CNNM4: variants seen among roughly 807,000 people sequenced by gnomAD.
CNNM4 encodes the protein cyclin and CBS domain divalent metal cation transport mediator 4, also known as metal transporter CNNM4.
Under a neutral mutation model 53.7 loss-of-function variants are expected in CNNM4, and 32 were observed. The ratio of observed to expected loss-of-function variants is 0.60; its 90% CI spans 0.45 to 0.80. The LOEUF (loss-of-function observed/expected upper bound fraction) is 0.80, where lower values mean the gene tolerates loss of function less well. Among genes scored for constraint, CNNM4 ranks in the 30% least tolerant of loss-of-function variants. CNNM4 has a pLI of 0.00. For synonymous variants in CNNM4, 410 were observed against 440.0 expected, an observed-to-expected ratio of 0.93 and a Z score of 0.85; for missense variants, 784 against 1,022.0, an observed-to-expected ratio of 0.77 and a Z score of 3.17.
In CNNM4 at chr2:96,761,478, G is replaced by C. The variant is rs1384320008; in HGVS notation, c.479G>C (p.Trp160Ser). The C allele has an allele frequency of 6.2e-7, 1 of 1,614,042 alleles. No individual in the cohort carries two copies. Among genetic ancestry groups the C allele is most frequent in the African/African-American group, 1.3e-5 (1 of 74,942 alleles). ...LCTRAQPDGP[W>S]LKWTDKDSLL... ...ACCCGGGCCCAGCCCGACGGGCCCT[G>C]GCTGAAGTGGACGGACAAGGACTCA... The change falls in exon 1 of 7, where the codon TGG becomes TCG. Residue 160 changes from tryptophan (W) to serine (S), a missense_variant. Trp to Ser is a radical substitution (Grantham distance 177). Transcript: ENST00000377075. The surrounding 1 kb of genome is among the most constrained non-coding windows in gnomAD (Gnocchi z 6.0).
intron 5 of CNNM4, among the ~76,000 whole-genome samples, chr2:96,803,856 G>A (rs12990081): frequency 6.6e-6 from 1 of 152,124 alleles, no homozygotes; most frequent in Non-Finnish European, 1.5e-5. Context: ...ATCTCTCAGA[G>A]ACAAAATGGA....
At chr2:96,809,218 C>G (rs2079235113) in intron 6 of CNNM4, 102 bp from the exon 7 acceptor site, 2 of 1,562,732 alleles carry the variant, frequency 1.3e-6, no homozygotes, top group East Asian at 4.7e-5. Context: ...GTCATGTTCT[C>G]TCTCAACTCA....
rs964186124 is a variant in CNNM4 at position 96,801,905 on chromosome 2, C to G, written c.1948+2257C>G. On this transcript the variant is annotated intron_variant, in intron 5 of 6. Coordinates refer to ENST00000377075, the MANE Select transcript of CNNM4 (RefSeq NM_020184.4). The surrounding 1 kb of genome is among the most constrained non-coding windows in gnomAD (Gnocchi z 5.6). Reference sequence around the variant, plus strand: ...GTAGACACACCAGGATACACATACACACATAGATACACCACTCATAGACAC... The same window carrying G: ...GTAGACACACCAGGATACACATACAGACATAGATACACCACTCATAGACAC... Among the ~76,000 whole-genome samples the G allele has an allele frequency of 6.6e-6, 1 of 151,724 alleles. No homozygotes were observed. Among genetic ancestry groups the G allele is most frequent in the Admixed American group, 6.6e-5 (1 of 15,210 alleles).
At position 96,805,430 on chromosome 2, in the gene CNNM4, TTTTTTTTTTA is replaced by T. The variant is rs1558997406; in HGVS notation, c.1949-3128_1949-3119del. Among the ~76,000 whole-genome samples the T allele has an allele frequency of 3.6e-5, 5 of 140,658 alleles. No individual in the cohort carries two copies. In the East Asian group the frequency reaches 5.8e-4, roughly 16 times the overall value. The allele number at this position is 140,658 out of a possible 152,430, so 92.3% of individuals were successfully genotyped here. A position where few individuals can be genotyped will look rare whatever the true frequency, so the allele number is the denominator to read the frequency against. ...TGGCTTCTTTTCAGTTTTTTTTTTT[TTTTTTTTTTA>T]TTATTTTTTTTTAAATTTATTTTTT... On this transcript the variant is annotated intron_variant, in intron 5 of 6. Coordinates refer to ENST00000377075, the MANE Select transcript of CNNM4 (RefSeq NM_020184.4).
chr2:96,762,023 A>G lies in CNNM4; in HGVS notation c.1024A>G (p.Met342Val). Residue 342 changes from methionine to valine, a missense_variant, in exon 1 of 7, where the codon ATG becomes GTG. Coordinates refer to ENST00000377075, the MANE Select transcript of CNNM4 (RefSeq NM_020184.4). ...IRTVYNREKL[M>V]EMLKVTEPYN... ...CACTGTTTACAACCGGGAGAAGCTG[A>G]TGGAGATGTTGAAGGTGACGGAGCC... 6.2e-7 allele frequency: 1 copy of G among 1,614,120 alleles called. No individual in the cohort carries two copies. The highest frequency in any genetic ancestry group is 1.1e-5 in the South Asian group (1 of 91,080).
At chr2:96,807,377 C>T (rs189862141) in intron 5 of CNNM4, among the ~76,000 whole-genome samples, 6 of 152,156 alleles carry the variant, frequency 3.9e-5, no homozygotes, top group Admixed American at 2.0e-4. Flanking sequence ...AATCCCAGCA[C>T]TTTGCGAGGT....
chr2:96,777,570 G>A (rs1046656375), intron 1 of CNNM4, among the ~76,000 whole-genome samples: 2 of 151,266 alleles, frequency 1.3e-5, no homozygotes, highest in African/African-American at 4.9e-5. Context: ...GCACGATCTT[G>A]GCTCACTGCA....
Position 96,761,014 on chromosome 2 carries a change from C to CG in CNNM4, c.20dup (p.Gly8ArgfsTer226). ...GCCAGAGCAACATGGCGCCGGTGGG[C>CG]GGGGGCGGGCGCCCGGTCGGCGGAC... On this transcript the variant is annotated frameshift_variant, in exon 1 of 7. Transcript: ENST00000377075. LOFTEE classifies it high-confidence loss of function. The surrounding 1 kb of genome is among the most constrained non-coding windows in gnomAD (Gnocchi z 6.0). 2 of 1,173,808 alleles carry CG rather than the reference C, an allele frequency of 1.7e-6. No individual in the cohort carries two copies. The highest frequency in any genetic ancestry group is 2.1e-6 in the Non-Finnish European group (2 of 950,612). The allele number at this position is 1,173,808 out of a possible 1,614,324, so 72.7% of individuals were successfully genotyped here. A position where few individuals can be genotyped will look rare whatever the true frequency, so the allele number is the denominator to read the frequency against.
At chr2:96,806,496 C>A (rs2079207074) in intron 5 of CNNM4, among the ~76,000 whole-genome samples, 1 of 148,480 alleles carries the variant, frequency 6.7e-6, no homozygotes, top group Admixed American at 6.7e-5. Flanking sequence ...TCTTCCTTCC[C>A]TAGCTATCCA....
intron 1 of CNNM4, among the ~76,000 whole-genome samples, chr2:96,775,431 A>G (rs2078915752): frequency 6.6e-6 from 1 of 152,214 alleles, no homozygotes; most frequent in African/African-American, 2.4e-5. Context: ...TCCCTTATAT[A>G]ACCAGTAATA....
At position 96,799,637 on chromosome 2, in the gene CNNM4, C is replaced by T. The variant is rs908185848; in HGVS notation, c.1937C>T (p.Ser646Leu). The change falls in exon 5 of 7, where the codon TCG (serine) becomes TTG (leucine). Residue 646 changes from serine (S) to leucine (L), a missense_variant. Coordinates refer to ENST00000377075, the MANE Select transcript of CNNM4 (RefSeq NM_020184.4). ...FSYYGTMALT[S>L]VPSDRSPAHP... ...TACTATGGGACTATGGCCCTGACCT[C>T]GGTCCCCTCCGGTGAGTTGTTGGGC... The T allele has an allele frequency of 9.7e-6, 15 of 1,551,372 alleles. No individual in the cohort carries two copies. Among genetic ancestry groups the T allele is most frequent in the Admixed American group, 2.0e-5 (1 of 51,024 alleles).
chr2:96,770,499 A>G (rs951030290), intron 1 of CNNM4, among the ~76,000 whole-genome samples: 3 of 152,212 alleles, frequency 2.0e-5, no homozygotes, highest in African/African-American at 7.2e-5. Flanking sequence ...CCACTCTGGT[A>G]CGTGTTGCCC....
intron 1 of CNNM4, among the ~76,000 whole-genome samples, chr2:96,775,570 T>C (rs1377645973): frequency 6.6e-6 from 1 of 152,206 alleles, no homozygotes; most frequent in African/African-American, 2.4e-5. Context: ...GGGAACGGAA[T>C]TGCTAAGGCA....
chr2:96,773,461 G>T (rs537669659), intron 1 of CNNM4, among the ~76,000 whole-genome samples: 2 of 152,156 alleles, frequency 1.3e-5, no homozygotes, highest in African/African-American at 4.8e-5. Context: ...CACTGTCTCC[G>T]TTGGCAGGCT....
chr2:96,761,462 C>CA lies in CNNM4; in HGVS notation c.464dup (p.Pro156AlafsTer78). On this transcript the variant is annotated frameshift_variant, in exon 1 of 7. Coordinates refer to ENST00000377075, the MANE Select transcript of CNNM4 (RefSeq NM_020184.4). LOFTEE classifies it high-confidence loss of function. This position sits in a 1 kb window ranked among gnomAD's most constrained non-coding sequence, Gnocchi z 6.0. ...GCTGTATGCACTGTGCACCCGGGCC[C>CA]AGCCCGACGGGCCCTGGCTGAAGTG... 1 of 1,614,126 alleles carries CA rather than the reference C, an allele frequency of 6.2e-7. No homozygotes were observed. The highest frequency in any genetic ancestry group is 2.2e-5 in the East Asian group (1 of 44,848).
Position 96,808,022 on chromosome 2 carries a change from G to T in CNNM4, c.1949-539G>T, listed in dbSNP as rs1169361625. On this transcript the variant is annotated intron_variant, in intron 5 of 6. Coordinates refer to ENST00000377075, the MANE Select transcript of CNNM4 (RefSeq NM_020184.4). This position sits in a 1 kb window ranked among gnomAD's most constrained non-coding sequence, Gnocchi z 4.9. ...TCCTGCCTCAGCCTCCCAAGTAGCC[G>T]GGATTACAGGTGTTTGCCACCATGC... 2.0e-5 allele frequency among the ~76,000 whole-genome samples: 3 copies of T among 151,968 alleles called. No individual in the cohort carries two copies. Among genetic ancestry groups the T allele is most frequent in the African/African-American group, 7.2e-5 (3 of 41,382 alleles).
chr2:96,764,713 C>A (rs1055220767), intron 1 of CNNM4, among the ~76,000 whole-genome samples: 1 of 152,138 alleles, frequency 6.6e-6, no homozygotes, highest in Non-Finnish European at 1.5e-5. Flanking sequence ...CTTGGCCAGG[C>A]GCGGTGGCTC....
Position 96,778,452 on chromosome 2 carries a change from G to A in CNNM4, c.1402+16051G>A, listed in dbSNP as rs1405449874. 5.3e-5 allele frequency among the ~76,000 whole-genome samples: 8 copies of A among 151,460 alleles called. No homozygotes were observed. In the South Asian group the frequency reaches 1.7e-3, roughly 32 times the overall value. Reference sequence around the variant, plus strand: ...GGGCACCTGTAATCCCAGCTACTCCGGAGTCTGAGACAGAGAATTGCTTGA... The same window carrying A: ...GGGCACCTGTAATCCCAGCTACTCCAGAGTCTGAGACAGAGAATTGCTTGA... On this transcript the variant is annotated intron_variant, in intron 1 of 6. Coordinates refer to ENST00000377075, the MANE Select transcript of CNNM4 (RefSeq NM_020184.4).
intron 1 of CNNM4, among the ~76,000 whole-genome samples, chr2:96,771,153 C>T (rs907640771): frequency 3.3e-5 from 5 of 152,148 alleles, no homozygotes; most frequent in East Asian, 1.9e-4. Flanking sequence ...GCCTGCCCTG[C>T]GCCTCGCTTA....
Sources: allele counts gnomAD v4.1 joint callset (sites outside exome capture counted in the v4.1 genomes callset), GRCh38; gene constraint gnomAD v4.1.1; non-coding constraint Gnocchi (gnomAD v3.1); transcripts MANE v1.5; gene names NCBI Gene and HGNC (gene_info 2026-07-23, HGNC 2026-07-21).